Variants in GSE1 observed in about 807,000 individuals in gnomAD.
GSE1 encodes Gse1 coiled-coil protein, also known as genetic suppressor element 1.
In GSE1, 32 loss-of-function variants were observed where a neutral mutation model predicts 112.6. The ratio of observed to expected loss-of-function variants is 0.28; its 90% CI spans 0.21 to 0.38. GSE1 has a LOEUF of 0.38. Among genes scored for constraint, GSE1 ranks in the 10% least tolerant of loss-of-function variants. The pLI is 1.00. For missense variants in GSE1, 2,348 were observed against 1,699.2 expected (o/e 1.38, Z -6.71); for synonymous variants, 1,115 against 735.6 (o/e 1.52, Z -8.35).
At chr16:85,488,633 G>A (rs999775371) in intron 2 of GSE1, among the ~76,000 whole-genome samples, 13 of 152,134 alleles carry the variant, frequency 8.5e-5, no homozygotes, top group African/African-American at 2.2e-4. Flanking sequence ...GAAGTTCAAG[G>A]TGCCTCAGGA....
intron 15 of GSE1, chr16:85,671,740 T>C (rs2053358593): frequency 6.5e-6 from 1 of 153,832 alleles, no homozygotes; most frequent in African/African-American, 2.4e-5. Flanking sequence ...CTACCGTGAT[T>C]TGCTGAGGAG....
rs571768774 is a variant in GSE1 at position 85,420,150 on chromosome 16, G to A, written c.2464+62507G>A. Among the ~76,000 whole-genome samples the A allele has an allele frequency of 3.3e-5, 5 of 152,302 alleles. No homozygotes were observed. The East Asian group carries it at 5.8e-4, about 18-fold the overall frequency. ...GCCTATAATCCCAGTGCTTTGGGAG[G>A]CTGAAGTAGGAGGACTGCTTGAAGC... On this transcript the variant is annotated intron_variant, in intron 2 of 2. Coordinates refer to the GSE1 transcript ENST00000637419.
rs1387503272 is a variant in GSE1 at position 85,661,184 on chromosome 16, C to T, written c.1679C>T (p.Pro560Leu). The part of the protein sequence containing the change: ...PNRHEPGGRD[P>L]PQHFGGPPPL... ...CGTCACGAGCCAGGTGGCCGTGACC[C>T]TCCGCAGCACTTTGGGGGGCCACCA... is the stretch of plus-strand genomic sequence containing the variant. The change falls in exon 9 of 16, where the codon CCT becomes CTT. Residue 560 changes from proline to leucine, a missense_variant. Physicochemically the swap from Pro to Leu is moderately conservative, Grantham distance 98 (BLOSUM62 -3). Transcript: ENST00000253458. The T allele has an allele frequency of 1.2e-6, 2 of 1,600,436 alleles. No homozygotes were observed. Among genetic ancestry groups the T allele is most frequent in the African/African-American group, 1.3e-5 (1 of 74,778 alleles).
At chr16:85,321,792 TAAAAAAAAAAA>T (rs796199363) in intron 1 of GSE1, among the ~76,000 whole-genome samples, 1 of 135,940 alleles carries the variant, frequency 7.4e-6, no homozygotes, top group Non-Finnish European at 1.6e-5. Flanking sequence ...GAGCCTGTCT[TAAAAAAAAAAA>T]AAAAGAAAAA....
Position 85,661,775 on chromosome 16 carries a change from C to A in GSE1, c.2260+10C>A. 6.7e-7 allele frequency: 1 copy of A among 1,493,434 alleles called. No homozygotes were observed. The highest frequency in any genetic ancestry group is 1.3e-5 in the South Asian group (1 of 75,764). 92.5% of individuals were successfully genotyped at this position (1,493,434 alleles called of 1,614,324 possible). Reference sequence around the variant, plus strand: ...GAGGCCCAGGAGAAAGGTCTGCCTCCCCGCGGGCCCCGAGCTGCTCAGGGA... The same window carrying A: ...GAGGCCCAGGAGAAAGGTCTGCCTCACCGCGGGCCCCGAGCTGCTCAGGGA... On this transcript the variant is annotated intron_variant, in intron 9 of 15. Coordinates refer to ENST00000253458, the MANE Select transcript of GSE1 (RefSeq NM_014615.5).
intron 2 of GSE1, among the ~76,000 whole-genome samples, chr16:85,408,248 TACACTCA>T (rs1261742215): frequency 0.66 from 1,366 of 2,064 alleles, 594 homozygotes; most frequent in Non-Finnish European, 0.77. Flanking sequence ...TCCTCACTGT[TACACTCA>T]GGCCCCCCGG....
intron 2 of GSE1, among the ~76,000 whole-genome samples, chr16:85,514,313 T>TA (rs1338548622): frequency 1.3e-5 from 2 of 149,612 alleles, no homozygotes; most frequent in African/African-American, 5.1e-5. Flanking sequence ...CCCCCAGGCC[T>TA]TCCCTGGAAA....
At position 85,265,059 on chromosome 16, in the gene GSE1, G is replaced by C. The variant is rs180868670; in HGVS notation, c.2284-92404G>C. Among the ~76,000 whole-genome samples the C allele has an allele frequency of 6.2e-4, 94 of 152,224 alleles. 2 individuals are homozygous for C. The highest frequency in any genetic ancestry group is 2.2e-3 in the African/African-American group (90 of 41,450). ...CACCCGGAGCAGCGTCTGGCATGTT[G>C]TAAGTACGCAGTAAACGCGCACTCT... On this transcript the variant is annotated intron_variant, in intron 1 of 2. Transcript: ENST00000637419.
intron 1 of GSE1, among the ~76,000 whole-genome samples, chr16:85,342,760 C>T (rs923955830): frequency 2.0e-5 from 3 of 152,040 alleles, no homozygotes; most frequent in South Asian, 2.1e-4. Context: ...CTCCCCAGCC[C>T]GGGACATCAG....
chr16:85,434,250 C>A (rs1022392362), intron 2 of GSE1, among the ~76,000 whole-genome samples: 2 of 151,802 alleles, frequency 1.3e-5, no homozygotes, highest in African/African-American at 4.8e-5. Context: ...CCTTACAGCC[C>A]CTCCTGCCCC....
At chr16:85,532,065 G>A (rs1246945304) in intron 2 of GSE1, among the ~76,000 whole-genome samples, 1 of 152,218 alleles carries the variant, frequency 6.6e-6, no homozygotes, top group African/African-American at 2.4e-5. Flanking sequence ...GTTGTATACA[G>A]TGTTAGCCTT....
At chr16:85,205,742 G>A (rs1341272018) in intron 1 of GSE1, among the ~76,000 whole-genome samples, 1 of 152,222 alleles carries the variant, frequency 6.6e-6, no homozygotes, top group Non-Finnish European at 1.5e-5. Context: ...CTTGTGGGGA[G>A]CTCTGGGGAG....
intron 1 of GSE1, among the ~76,000 whole-genome samples, chr16:85,582,698 C>T (rs951538620): frequency 6.6e-6 from 1 of 152,104 alleles, no homozygotes; most frequent in African/African-American, 2.4e-5. Context: ...TTCTCTTCTC[C>T]ACGGTTCAGG....
intron 1 of GSE1, among the ~76,000 whole-genome samples, chr16:85,605,051 T>C (rs977491790): frequency 6.7e-6 from 1 of 150,262 alleles, no homozygotes; most frequent in Admixed American, 6.6e-5. Flanking sequence ...TCTCCTGACC[T>C]TGTGATCCGT....
chr16:85,205,784 G>A (rs1567609531), intron 1 of GSE1, among the ~76,000 whole-genome samples: 1 of 152,170 alleles, frequency 6.6e-6, no homozygotes, highest in Non-Finnish European at 1.5e-5. Flanking sequence ...TGAAATCCTC[G>A]CAGACTGGGA....
At chr16:85,656,126 A>C (rs2051907151) in intron 6 of GSE1, among the ~76,000 whole-genome samples, 1 of 152,124 alleles carries the variant, frequency 6.6e-6, no homozygotes, top group Non-Finnish European at 1.5e-5. Context: ...GTAAACCTGC[A>C]GGCCGAGGAG....
chr16:85,612,852 T>C (rs1341307214), upstream of GSE1, among the ~76,000 whole-genome samples: 1 of 152,202 alleles, frequency 6.6e-6, no homozygotes, highest in Non-Finnish European at 1.5e-5. Context: ...TCAGGCACTG[T>C]TCTAGGTTCC....
Position 85,662,878 on chromosome 16 carries a change from G to C in GSE1, c.2261-103G>C. On this transcript the variant is annotated intron_variant, in intron 9 of 15. Coordinates refer to ENST00000253458, the MANE Select transcript of GSE1 (RefSeq NM_014615.5). ...CCTTCAGGGTGTTCAGGTGCCAGCA[G>C]GCCTGGCCTGATAGGTGCTCTGCAC... The C allele has an allele frequency of 6.3e-6, 5 of 798,348 alleles. No homozygotes were observed. The Admixed American group carries it at 1.0e-4, about 16-fold the overall frequency. 49.5% of individuals were successfully genotyped at this position (798,348 alleles called of 1,614,324 possible).
At chr16:85,389,959 C>T (rs2047799715) in intron 2 of GSE1, among the ~76,000 whole-genome samples, 1 of 152,088 alleles carries the variant, frequency 6.6e-6, no homozygotes, top group Non-Finnish European at 1.5e-5. Flanking sequence ...TCGTTTTACC[C>T]CAGGGGAAAG....
Sources: gnomAD v4.1 joint callset for allele counts (sites outside exome capture counted in the v4.1 genomes callset) on GRCh38, gnomAD v4.1.1 for gene constraint, MANE v1.5 for transcripts, NCBI Gene and HGNC (gene_info 2026-07-23, HGNC 2026-07-21) for gene names.